Variants in PPARG observed in about 807,000 individuals in gnomAD.
PPARG encodes the protein peroxisome proliferator-activated receptor gamma.
PPARG carries 17 observed loss-of-function variants against 39.2 expected under a neutral mutation model. That is an observed-to-expected ratio of 0.43 (90% CI 0.30 to 0.65). PPARG has a LOEUF of 0.65. Ranked by LOEUF, PPARG falls within the 30% of genes least tolerant of loss-of-function variation. The pLI, the probability that PPARG is intolerant of heterozygous loss-of-function variation, is 0.13. For synonymous variants in PPARG, 223 were observed against 215.7 expected (o/e 1.03, Z -0.30); for missense variants, 406 against 585.9 (o/e 0.69, Z 3.17).
chr3:12,393,892 A>G (rs908252290), intron 5 of PPARG, among the ~76,000 whole-genome samples: 2 of 152,178 alleles, frequency 1.3e-5, no homozygotes, highest in African/African-American at 4.8e-5. Context: ...TTCTATCTGT[A>G]TGATTACTAA....
chr3:12,317,149 G>C (rs1216597048), intron 2 of PPARG, among the ~76,000 whole-genome samples: 2 of 152,134 alleles, frequency 1.3e-5, no homozygotes, highest in Non-Finnish European at 2.9e-5. Flanking sequence ...TCTCTGCCTA[G>C]CTATACCCAT....
chr3:12,332,071 C>T (rs1487627014), intron 2 of PPARG, among the ~76,000 whole-genome samples: 1 of 152,184 alleles, frequency 6.6e-6, no homozygotes, highest in Non-Finnish European at 1.5e-5. Context: ...TCAAATTAAG[C>T]ATTTTTTCCA....
chr3:12,326,575 G>A (rs1011813907), intron 2 of PPARG, among the ~76,000 whole-genome samples: 46 of 152,246 alleles, frequency 3.0e-4, no homozygotes, highest in African/African-American at 1.1e-3. Flanking sequence ...TCATCTTTCT[G>A]ATTAAGAAAT....
upstream of PPARG, chr3:12,287,920 C>G (rs2046548347): frequency 6.8e-6 from 1 of 146,118 alleles, no homozygotes; most frequent in Non-Finnish European, 1.5e-5. Flanking sequence ...AGGCGGGGCC[C>G]AGCGCACTCG....
chr3:12,320,995 AG>A (rs1189018897), intron 2 of PPARG, among the ~76,000 whole-genome samples: 4 of 152,252 alleles, frequency 2.6e-5, no homozygotes, highest in Admixed American at 2.6e-4. Flanking sequence ...GTTTGGGAAA[AG>A]CATTAAGCTC....
At chr3:12,309,346 A>G (rs1317927086) in intron 1 of PPARG, among the ~76,000 whole-genome samples, 1 of 152,226 alleles carries the variant, frequency 6.6e-6, no homozygotes, top group African/African-American at 2.4e-5. Flanking sequence ...GCTGTGACAC[A>G]TTTTAATAGA....
At position 12,361,773 on chromosome 3, in the gene PPARG, C is replaced by T. The variant is rs1156867643; in HGVS notation, c.-8-17931C>T. 4.6e-5 allele frequency among the ~76,000 whole-genome samples: 7 copies of T among 152,178 alleles called. No individual in the cohort carries two copies. The South Asian group carries it at 1.0e-3, about 22-fold the overall frequency. ...ATATCTGGTAGTATAAATCCTCCAGCGTTGCTCTTCCCCTTCAAGATTTCC... is the reference window on the plus strand; with the variant it reads ...ATATCTGGTAGTATAAATCCTCCAGTGTTGCTCTTCCCCTTCAAGATTTCC... On this transcript the variant is annotated intron_variant, in intron 2 of 7. Coordinates refer to ENST00000651735, the MANE Select transcript of PPARG (RefSeq NM_138711.6).
At chr3:12,312,531 T>C (rs907349739) in intron 2 of PPARG, 78 bp downstream of exon 2, 12 of 152,220 alleles carry the variant, frequency 7.9e-5, no homozygotes, top group African/African-American at 2.9e-4. Context: ...ATACATTGTA[T>C]TTTATTGTAA....
intron 2 of PPARG, among the ~76,000 whole-genome samples, chr3:12,327,000 G>A (rs548648824): frequency 6.6e-6 from 1 of 152,146 alleles, no homozygotes; most frequent in African/African-American, 2.4e-5. Context: ...TTAAAGGTTT[G>A]TTCAATTTTA....
At chr3:12,420,100 A>G (rs2125293951) in intron 7 of PPARG, among the ~76,000 whole-genome samples, 1 of 152,204 alleles carries the variant, frequency 6.6e-6, no homozygotes, top group East Asian at 1.9e-4. Flanking sequence ...AGATACATAC[A>G]TACACATATG....
intron 7 of PPARG, among the ~76,000 whole-genome samples, chr3:12,417,924 T>G (rs2051134066): frequency 2.9e-5 from 4 of 137,840 alleles, no homozygotes; most frequent in African/African-American, 8.0e-5. Context: ...TTTTTTTTTT[T>G]TGTGAGACAG....
Position 12,352,440 on chromosome 3 carries a change from A to T in PPARG, c.-8-27264A>T, listed in dbSNP as rs2048517615. ...ATATTTCTTTCTTGGCCATTGCAAA[A>T]TATAAGTTCTCCATTTCTATAGCTC... On this transcript the variant is annotated intron_variant, in intron 2 of 7. Transcript: ENST00000651735. Among the ~76,000 whole-genome samples, 5 of 152,310 alleles carry T rather than the reference A, an allele frequency of 3.3e-5. No homozygotes were observed. In the East Asian group the frequency reaches 9.6e-4, roughly 29 times the overall value.
intron 1 of PPARG, among the ~76,000 whole-genome samples, chr3:12,290,504 G>A (rs1158854233): frequency 1.3e-5 from 2 of 151,352 alleles, no homozygotes; most frequent in Non-Finnish European, 3.0e-5. Context: ...TCATTTTTTT[G>A]TATGTTTCAG....
At chr3:12,348,713 T>C (rs1360268657) in intron 2 of PPARG, among the ~76,000 whole-genome samples, 1 of 152,174 alleles carries the variant, frequency 6.6e-6, no homozygotes, top group African/African-American at 2.4e-5. Context: ...CCACTCCTCC[T>C]CACTCTGTAA....
At chr3:12,414,409 G>C (rs1224816817) in intron 6 of PPARG, among the ~76,000 whole-genome samples, 1 of 152,036 alleles carries the variant, frequency 6.6e-6, no homozygotes, top group East Asian at 1.9e-4. Flanking sequence ...TTGAGCCCAG[G>C]AGTTCAAGAC....
intron 2 of PPARG, among the ~76,000 whole-genome samples, chr3:12,337,679 A>G (rs1036152583): frequency 6.6e-6 from 1 of 152,162 alleles, no homozygotes. Flanking sequence ...TTCTGTTTTT[A>G]CCATTTGCAG....
chr3:12,307,525 A>C (rs2047106433), intron 1 of PPARG, among the ~76,000 whole-genome samples: 1 of 152,224 alleles, frequency 6.6e-6, no homozygotes, highest in Non-Finnish European at 1.5e-5. Context: ...GTAGAAAGGA[A>C]CTAGTCAAGA....
intron 2 of PPARG, among the ~76,000 whole-genome samples, chr3:12,316,835 C>T (rs908922335): frequency 2.0e-5 from 3 of 151,804 alleles, no homozygotes; most frequent in Non-Finnish European, 2.9e-5. Flanking sequence ...ACACAGGAAA[C>T]AGTAGAGCTG....
Position 12,379,780 on chromosome 3 carries a change from G to A in PPARG, c.69G>A (p.Met23Ile). The change falls in exon 3 of 8, where the codon ATG (methionine) becomes ATA (isoleucine). Residue 23 changes from methionine (M) to isoleucine (I), a missense_variant. Coordinates refer to ENST00000651735, the MANE Select transcript of PPARG (RefSeq NM_138711.6). ...FGISSVDLSV[M>I]EDHSHSFDIK... Reference sequence around the variant, plus strand: ...TCAGCTCCGTGGATCTCTCCGTAATGGAAGACCACTCCCACTCCTTTGATA... The same window carrying A: ...TCAGCTCCGTGGATCTCTCCGTAATAGAAGACCACTCCCACTCCTTTGATA... 1.2e-6 allele frequency: 2 copies of A among 1,613,984 alleles called. No homozygotes were observed. Among genetic ancestry groups the A allele is most frequent in the South Asian group, 1.1e-5 (1 of 91,080 alleles).
Sources: allele counts gnomAD v4.1 joint callset (sites outside exome capture counted in the v4.1 genomes callset), GRCh38; gene constraint gnomAD v4.1.1; transcripts MANE v1.5; gene names NCBI Gene and HGNC (gene_info 2026-07-23, HGNC 2026-07-21).